The following ISCA2 variants were observed in gnomAD, a reference collection of about 807,000 sequenced individuals.
The protein encoded by ISCA2 is iron-sulfur cluster assembly 2 homolog, mitochondrial.
In ISCA2, 21 loss-of-function variants were observed where a neutral mutation model predicts 19.1. The ratio of observed to expected loss-of-function variants is 1.10; its 90% CI spans 0.78 to 1.59. ISCA2 has a LOEUF of 1.59. ISCA2 is among the 40% of genes most tolerant of loss of function. The probability of loss-of-function intolerance (pLI) is 0.00; values close to 1 mark genes in which losing one functional copy is unlikely to be tolerated. For synonymous variants in ISCA2, 107 were observed against 83.8 expected (o/e 1.28, Z -1.51); for missense variants, 181 against 191.7 (o/e 0.94, Z 0.33).
Position 74,494,036 on chromosome 14 carries a change from T to G in ISCA2, c.72-14T>G, listed in dbSNP as rs1274636857. On this transcript the variant is annotated splice_polypyrimidine_tract_variant and intron_variant, in intron 1 of 3. Transcript: ENST00000556816. ...CCTTCTGCTCCCGGGCTCACCCTCC[T>G]CCCTTGCGCGCAGGCTCCTCACGGC... The G allele has an allele frequency of 1.3e-6, 2 of 1,532,790 alleles. No individual in the cohort carries two copies. Among genetic ancestry groups the G allele is most frequent in the East Asian group, 2.5e-5 (1 of 40,732 alleles). The allele number at this position is 1,532,790 out of a possible 1,614,324, so 94.9% of individuals were successfully genotyped here.
chr14:74,493,802 A>G lies in ISCA2; in HGVS notation c.28A>G (p.Thr10Ala). The stretch of plus-strand genomic sequence containing the variant: ...GGCTGCCGCCTGGGGGTCGTCCCTA[A>G]CGGCCGCGACGCAGAGAGCGGTCAC... The part of the protein sequence containing the change: MAAAWGSSL[T>A]AATQRAVTPW... Residue 10 changes from threonine (T) to alanine (A), a missense_variant, in exon 1 of 4, where the codon ACG (threonine) becomes GCG (alanine). By Grantham distance (58) the Thr-to-Ala change is moderately conservative. Coordinates refer to ENST00000556816, the MANE Select transcript of ISCA2 (RefSeq NM_194279.4). The surrounding 1 kb of genome is among the most constrained non-coding windows in gnomAD (Gnocchi z 4.1). The G allele has an allele frequency of 6.5e-7, 1 of 1,539,382 alleles. No individual in the cohort carries two copies. The highest frequency in any genetic ancestry group is 8.7e-7 in the Non-Finnish European group (1 of 1,146,242).
chr14:74,493,851 A>C lies in ISCA2; in HGVS notation c.71+6A>C. On this transcript the variant is annotated splice_donor_region_variant and intron_variant, in intron 1 of 3. Coordinates refer to ENST00000556816, the MANE Select transcript of ISCA2 (RefSeq NM_194279.4). The surrounding 1 kb of genome is among the most constrained non-coding windows in gnomAD (Gnocchi z 4.1). ...ACTCCCTGGCCGAGGGGCAGGTACCAAGACTAGAAAGGCACCTGGAAAGGG... is the reference window on the plus strand; with the variant it reads ...ACTCCCTGGCCGAGGGGCAGGTACCCAGACTAGAAAGGCACCTGGAAAGGG... 1.3e-6 allele frequency: 2 copies of C among 1,558,402 alleles called. No homozygotes were observed. The highest frequency in any genetic ancestry group is 1.7e-6 in the Non-Finnish European group (2 of 1,150,488).
chr14:74,494,407 G>A lies in ISCA2; in HGVS notation c.290+17G>A, dbSNP rs372752156. The A allele has an allele frequency of 4.4e-6, 7 of 1,581,850 alleles. No individual in the cohort carries two copies. In the African/African-American group the frequency reaches 8.1e-5, roughly 18 times the overall value. On this transcript the variant is annotated intron_variant, in intron 3 of 3. Transcript: ENST00000556816. ...CGACGACAGGCAAGGAGGAAGGGGTGGGCCCCCAAAGGAGGTACAGGAGGG... is the reference window on the plus strand; with the variant it reads ...CGACGACAGGCAAGGAGGAAGGGGTAGGCCCCCAAAGGAGGTACAGGAGGG...
rs779995225 is a variant in ISCA2, at chr14:74,494,094, C to A, written c.116C>A (p.Ser39Ter). 13 of 1,567,380 alleles carry A rather than the reference C, an allele frequency of 8.3e-6. No homozygotes were observed. The highest frequency in any genetic ancestry group is 1.1e-5 in the Non-Finnish European group (13 of 1,160,036). ...SLGPQARREA[S>*]SSSPEAGEGQ... is the part of the protein sequence containing the mutation. ...GGACCCCAGGCGCGTCGGGAGGCGT[C>A]GTCCTCCAGCCCCGAGGCCGGCGAA... Residue 39 changes from serine (S) to a stop codon, truncating the protein, a stop_gained, in exon 2 of 4, where the codon TCG (serine) becomes TAG (stop). Coordinates refer to ENST00000556816, the MANE Select transcript of ISCA2 (RefSeq NM_194279.4). LOFTEE classifies it high-confidence loss of function.
In ISCA2 at chr14:74,495,559, A is replaced by G. The variant is rs2086838604; in HGVS notation, c.*559A>G. ...GATAGGACAGATACATTTTACTCTC[A>G]TGCTCGTGGATCTGCTATGAGTCAT... On this transcript the variant is annotated 3_prime_UTR_variant, in exon 4 of 4. Transcript: ENST00000556816. 6.6e-6 allele frequency: 1 copy of G among 152,224 alleles called. No individual in the cohort carries two copies. The highest frequency in any genetic ancestry group is 1.5e-5 in the Non-Finnish European group (1 of 68,058). The allele number at this position is 152,224 out of a possible 1,614,324, so 9.4% of individuals were successfully genotyped here.
Position 74,493,765 on chromosome 14 carries a change from G to C in ISCA2, c.-10G>C. 2.6e-6 allele frequency: 4 copies of C among 1,515,614 alleles called. No individual in the cohort carries two copies. The highest frequency in any genetic ancestry group is 3.5e-6 in the Non-Finnish European group (4 of 1,132,736). 93.9% of individuals were successfully genotyped at this position (1,515,614 alleles called of 1,614,324 possible). ...GGGGGAGACGCGAGGGGCGGAGCTT[G>C]TGGAGGAAGATGGCTGCCGCCTGGG... On this transcript the variant is annotated 5_prime_UTR_variant, in exon 1 of 4. Transcript: ENST00000556816. This position sits in a 1 kb window ranked among gnomAD's most constrained non-coding sequence, Gnocchi z 4.1.
At chr14:74,494,601 G>A in intron 3 of ISCA2, 1 of 618,350 alleles carries the variant, frequency 1.6e-6, no homozygotes, top group African/African-American at 1.8e-5. Context: ...CCATTGGGTA[G>A]TCGGTAGAAA....
Position 74,495,480 on chromosome 14 carries a change from G to A in ISCA2, c.*480G>A, listed in dbSNP as rs2086837961. On this transcript the variant is annotated 3_prime_UTR_variant, in exon 4 of 4. Transcript: ENST00000556816. ...CTTTTTCACTTCACCCTGCCAGAAT[G>A]TGCCACTTGACTTATCTTTATTGTC... is the stretch of plus-strand genomic sequence containing the variant. 2 of 152,746 alleles carry A rather than the reference G, an allele frequency of 1.3e-5. No individual in the cohort carries two copies. The highest frequency in any genetic ancestry group is 4.8e-5 in the African/African-American group (2 of 41,466). The allele number at this position is 152,746 out of a possible 1,614,324, so 9.5% of individuals were successfully genotyped here. A position where few individuals can be genotyped will look rare whatever the true frequency, so the allele number is the denominator to read the frequency against.
rs1424403860 is a variant in ISCA2 at position 74,496,811 on chromosome 14, T to C, written c.*1811T>C. ...TGTTAATGGGAGAATTGGAATTTTA[T>C]GTTTAGAAAAAGGCAGATTTGGGGC... On this transcript the variant is annotated 3_prime_UTR_variant, in exon 4 of 4. Transcript: ENST00000556816. The C allele has an allele frequency of 2.0e-5, 3 of 152,150 alleles. No homozygotes were observed. The highest frequency in any genetic ancestry group is 2.9e-5 in the Non-Finnish European group (2 of 68,030). The allele number at this position is 152,150 out of a possible 1,614,324, so 9.4% of individuals were successfully genotyped here.
At position 74,494,149 on chromosome 14, in the gene ISCA2, C is replaced by G. The variant is rs1277298857; in HGVS notation, c.171C>G (p.Val57=). The G allele has an allele frequency of 1.3e-6, 2 of 1,589,132 alleles. No individual in the cohort carries two copies. The highest frequency in any genetic ancestry group is 1.8e-5 in the Admixed American group (1 of 56,186). Residue 57 remains valine (V), a synonymous_variant, in exon 2 of 4, where the codon GTC becomes GTG. Transcript: ENST00000556816. ...EGQIRLTDSC[V]QRLLEITEGS... ...AGATCCGCCTCACAGACAGTTGCGT[C>G]CAGGTAGGAGGCCGGACGCGGAGCG...
rs2086846521 is a variant in ISCA2 at position 74,496,347 on chromosome 14, T to A, written c.*1347T>A. On this transcript the variant is annotated 3_prime_UTR_variant, in exon 4 of 4. Transcript: ENST00000556816. ...ATGGAAATAGAGTTTAGAAAATATCTGAGACAGAAACTTAGATACATTTCC... is the reference window on the plus strand; with the variant it reads ...ATGGAAATAGAGTTTAGAAAATATCAGAGACAGAAACTTAGATACATTTCC... 1 of 152,228 alleles carries A rather than the reference T, an allele frequency of 6.6e-6. No homozygotes were observed. Among genetic ancestry groups the A allele is most frequent in the Admixed American group, 6.5e-5 (1 of 15,286 alleles). 9.4% of individuals were successfully genotyped at this position (152,228 alleles called of 1,614,324 possible). A position where few individuals can be genotyped will look rare whatever the true frequency, so the allele number is the denominator to read the frequency against.
At chr14:74,494,568 G>A (rs1486660313) in intron 3 of ISCA2, 178 bp downstream of exon 3, 11 of 635,604 alleles carry the variant, frequency 1.7e-5, no homozygotes, top group Non-Finnish European at 3.0e-5. Flanking sequence ...TAAGTTATAG[G>A]AGCAAAATTG....
At chr14:74,494,233 T>C in intron 2 of ISCA2, 42 bp from the exon 3 acceptor site, 2 of 1,598,424 alleles carry the variant, frequency 1.3e-6, no homozygotes, top group Non-Finnish European at 1.7e-6. Context: ...GCCCTTTAAC[T>C]CCCGTTTCCC....
Position 74,494,047 on chromosome 14 carries a change from C to T in ISCA2, c.72-3C>T. ...CGGGCTCACCCTCCTCCCTTGCGCG[C>T]AGGCTCCTCACGGCCTCCCTGGGAC... On this transcript the variant is annotated splice_polypyrimidine_tract_variant and splice_region_variant and intron_variant, in intron 1 of 3. Coordinates refer to ENST00000556816, the MANE Select transcript of ISCA2 (RefSeq NM_194279.4). 1.3e-6 allele frequency: 2 copies of T among 1,536,716 alleles called. No individual in the cohort carries two copies. The highest frequency in any genetic ancestry group is 1.4e-5 in the African/African-American group (1 of 73,156).
chr14:74,493,795 G>A lies in ISCA2; in HGVS notation c.21G>A (p.Ser7=). The change falls in exon 1 of 4, where the codon TCG becomes TCA. Residue 7 remains serine, a synonymous_variant. Transcript: ENST00000556816. The surrounding 1 kb of genome is among the most constrained non-coding windows in gnomAD (Gnocchi z 4.1). ...GGAAGATGGCTGCCGCCTGGGGGTC[G>A]TCCCTAACGGCCGCGACGCAGAGAG... The part of the protein sequence containing the change: MAAAWG[S]SLTAATQRAV... The A allele has an allele frequency of 6.5e-7, 1 of 1,533,704 alleles. No individual in the cohort carries two copies. Among genetic ancestry groups the A allele is most frequent in the Non-Finnish European group, 8.7e-7 (1 of 1,143,032 alleles).
rs915451112 is a variant in ISCA2 at position 74,496,691 on chromosome 14, G to C, written c.*1691G>C. 1 of 152,296 alleles carries C rather than the reference G, an allele frequency of 6.6e-6. No individual in the cohort carries two copies. The highest frequency in any genetic ancestry group is 2.4e-5 in the African/African-American group (1 of 41,556). The allele number at this position is 152,296 out of a possible 1,614,324, so 9.4% of individuals were successfully genotyped here. A position where few individuals can be genotyped will look rare whatever the true frequency, so the allele number is the denominator to read the frequency against. On this transcript the variant is annotated 3_prime_UTR_variant, in exon 4 of 4. Transcript: ENST00000556816. Reference sequence around the variant, plus strand: ...TTGTGGTTTTAAAACTCTTGAGCACGAGCAGAACAGCTTTTGTTGCTAAAT... The same window carrying C: ...TTGTGGTTTTAAAACTCTTGAGCACCAGCAGAACAGCTTTTGTTGCTAAAT...
chr14:74,496,717 C>A lies in ISCA2; in HGVS notation c.*1717C>A, dbSNP rs1042673669. The A allele has an allele frequency of 3.9e-5, 6 of 152,166 alleles. No individual in the cohort carries two copies. The highest frequency in any genetic ancestry group is 7.3e-5 in the Non-Finnish European group (5 of 68,040). The allele number at this position is 152,166 out of a possible 1,614,324, so 9.4% of individuals were successfully genotyped here. ...AGCAGAACAGCTTTTGTTGCTAAAT[C>A]AATCAAATTACAGTGGTGCACTAGA... is the stretch of plus-strand genomic sequence containing the variant. On this transcript the variant is annotated 3_prime_UTR_variant, in exon 4 of 4. Coordinates refer to ENST00000556816, the MANE Select transcript of ISCA2 (RefSeq NM_194279.4).
intron 3 of ISCA2, 67 bp from the exon 4 acceptor site, chr14:74,494,759 T>C: frequency 7.0e-7 from 1 of 1,420,648 alleles, no homozygotes; most frequent in Non-Finnish European, 9.8e-7. Context: ...GATGTGCACC[T>C]CTGGGCTCAG....
chr14:74,494,460 C>G (rs1428353726), intron 3 of ISCA2, 70 bp downstream of exon 3: 3 of 1,118,994 alleles, frequency 2.7e-6, no homozygotes, highest in Non-Finnish European at 4.1e-6. Context: ...TTAAGGTGCA[C>G]TTTTATTCCA....
Sources: allele counts gnomAD v4.1 joint callset, GRCh38; gene constraint gnomAD v4.1.1; non-coding constraint Gnocchi (gnomAD v3.1); transcripts MANE v1.5; gene names NCBI Gene and HGNC (gene_info 2026-07-23, HGNC 2026-07-21).